MATN1: variants seen among roughly 807,000 people sequenced by gnomAD.
MATN1 encodes matrilin 1.
A neutral mutation model predicts 41.3 loss-of-function variants in MATN1; 34 were observed. The observed-to-expected ratio is 0.82, with a 90% confidence interval of 0.63 to 1.10. MATN1 has a LOEUF of 1.10. Among genes scored for constraint, MATN1 ranks in the 50% least tolerant of loss-of-function variants. The probability of loss-of-function intolerance (pLI) is 0.00; values close to 1 mark genes in which losing one functional copy is unlikely to be tolerated. For synonymous variants in MATN1, 264 were observed against 278.7 expected (o/e 0.95, Z 0.53); for missense variants, 602 against 662.4 (o/e 0.91, Z 1.00).
intron 3 of MATN1, 122 bp from the exon 4 acceptor site, chr1:30,717,037 A>C: frequency 1.4e-5 from 16 of 1,140,490 alleles, no homozygotes; most frequent in Non-Finnish European, 1.8e-5. Flanking sequence ...TAAGATCTCC[A>C]ACATACTGGG....
At position 30,713,490 on chromosome 1, in the gene MATN1, C is replaced by A. The variant is rs1639579502; in HGVS notation, c.*92G>T. 1 of 1,328,810 alleles carries A rather than the reference C, an allele frequency of 7.5e-7. No homozygotes were observed. Among genetic ancestry groups the A allele is most frequent in the Middle Eastern group, 1.8e-4 (1 of 5,470 alleles). The allele number at this position is 1,328,810 out of a possible 1,614,324, so 82.3% of individuals were successfully genotyped here. A position where few individuals can be genotyped will look rare whatever the true frequency, so the allele number is the denominator to read the frequency against. ...TAGGCACACCCAGACACACCCCCTC[C>A]CACCCCCGGGCTGGCTTCCCTCACT... On this transcript the variant is annotated 3_prime_UTR_variant, in exon 8 of 8. Coordinates refer to ENST00000373765, the MANE Select transcript of MATN1 (RefSeq NM_002379.3).
Position 30,714,334 on chromosome 1 carries a change from G to C in MATN1, c.1361-7C>G. ...CAGGCACACGGGTCTTCCTCTGCAG[G>C]GGACAAGGAGGAGGGAAAGAGAAAG... On this transcript the variant is annotated splice_region_variant and splice_polypyrimidine_tract_variant and intron_variant, in intron 6 of 7. Coordinates refer to ENST00000373765, the MANE Select transcript of MATN1 (RefSeq NM_002379.3). 6.2e-7 allele frequency: 1 copy of C among 1,605,672 alleles called. No homozygotes were observed. The highest frequency in any genetic ancestry group is 8.5e-7 in the Non-Finnish European group (1 of 1,175,440).
rs1180589963 is a variant in MATN1, at chr1:30,718,111, C to G, written c.664+624G>C. Among the ~76,000 whole-genome samples the G allele has an allele frequency of 3.9e-5, 6 of 152,344 alleles. No individual in the cohort carries two copies. The South Asian group carries it at 8.3e-4, about 21-fold the overall frequency. On this transcript the variant is annotated intron_variant, in intron 3 of 7. Transcript: ENST00000373765. ...CACCCCCAATCCACCTAAGCCGTGT[C>G]CCTAGCCCTGGCCCCGCCCTGATGT...
Position 30,713,281 on chromosome 1 carries a change from T to C in MATN1, c.*301A>G, listed in dbSNP as rs1156801543. The C allele has an allele frequency of 2.4e-6, 1 of 417,990 alleles. No homozygotes were observed. The highest frequency in any genetic ancestry group is 4.4e-6 in the Non-Finnish European group (1 of 229,298). The allele number at this position is 417,990 out of a possible 1,614,324, so 25.9% of individuals were successfully genotyped here. A position where few individuals can be genotyped will look rare whatever the true frequency, so the allele number is the denominator to read the frequency against. ...TGGGAATATATTAAGCTTTTGATTA[T>C]AAAAATGCAAACGCAGTCCCTCTCA... On this transcript the variant is annotated 3_prime_UTR_variant, in exon 8 of 8. Transcript: ENST00000373765.
intron 7 of MATN1, 156 bp downstream of exon 7, chr1:30,714,091 A>G: frequency 3.1e-6 from 2 of 646,718 alleles, no homozygotes; most frequent in Non-Finnish European, 5.5e-6. Flanking sequence ...GTGTGCACCC[A>G]AGCTGGCTTC....
chr1:30,718,589 G>GCACCCCCC, intron 3 of MATN1, 146 bp downstream of exon 3: 1 of 182,848 alleles, frequency 5.5e-6, no homozygotes. Context: ...CTCCGCCTCT[G>GCACCCCCC]CCCCCCCCCC....
chr1:30,713,827 T>C, intron 7 of MATN1, 196 bp from the exon 8 acceptor site: 1 of 622,320 alleles, frequency 1.6e-6, no homozygotes, highest in South Asian at 1.8e-5. Context: ...TGCCCAGCCC[T>C]GCTCAGTTGC....
At chr1:30,722,200 GAGGGCACCA>G (rs1305226327) in intron 1 of MATN1, among the ~76,000 whole-genome samples, 1 of 152,270 alleles carries the variant, frequency 6.6e-6, no homozygotes, top group Non-Finnish European at 1.5e-5. Context: ...AGCTGGGCAG[GAGGGCACCA>G]AGGATGGGCC....
Position 30,718,853 on chromosome 1 carries a change from G to T in MATN1, c.546C>A (p.Ser182Arg). The part of the protein sequence containing the change: ...GVELFAIGVG[S>R]VDKATLRQIA... Reference sequence around the variant, plus strand: ...TCTGCCGCAGCGTGGCCTTGTCCACGCTGCCCACTCCGATGGCGAACAGCT... The same window carrying T: ...TCTGCCGCAGCGTGGCCTTGTCCACTCTGCCCACTCCGATGGCGAACAGCT... Residue 182 changes from serine (S) to arginine (R), a missense_variant, in exon 3 of 8, where the codon AGC becomes AGA. By Grantham distance (110) the Ser-to-Arg change is moderately radical. Transcript: ENST00000373765. 1 of 1,607,538 alleles carries T rather than the reference G, an allele frequency of 6.2e-7. No homozygotes were observed. The highest frequency in any genetic ancestry group is 1.1e-5 in the South Asian group (1 of 90,378).
At chr1:30,723,415 G>A in intron 1 of MATN1, 43 bp downstream of exon 1, 4 of 1,408,418 alleles carry the variant, frequency 2.8e-6, no homozygotes, top group Non-Finnish European at 3.8e-6. Flanking sequence ...GAGGGTCAGG[G>A]CCCACTAGCT....
Position 30,716,075 on chromosome 1 carries a change from G to A in MATN1, c.1041C>T (p.Tyr347=). 2 of 1,614,226 alleles carry A rather than the reference G, an allele frequency of 1.2e-6. No homozygotes were observed. The highest frequency in any genetic ancestry group is 1.1e-5 in the South Asian group (1 of 91,088). Residue 347 remains tyrosine, a synonymous_variant, in exon 5 of 8, where the codon TAC becomes TAT. Coordinates refer to ENST00000373765, the MANE Select transcript of MATN1 (RefSeq NM_002379.3). ...DIKAAVRNMS[Y]MEKGTMTGAA... Reference sequence around the variant, plus strand: ...CCCCAGTCATTGTGCCCTTCTCCATGTAGGACATATTCCGCACAGCCGCCT... The same window carrying A: ...CCCCAGTCATTGTGCCCTTCTCCATATAGGACATATTCCGCACAGCCGCCT...
rs768797851 is a variant in MATN1 at position 30,714,344 on chromosome 1, G to A, written c.1361-17C>T. Reference sequence around the variant, plus strand: ...GGTCTTCCTCTGCAGGGGACAAGGAGGAGGGAAAGAGAAAGGAACTGTTGA... The same window carrying A: ...GGTCTTCCTCTGCAGGGGACAAGGAAGAGGGAAAGAGAAAGGAACTGTTGA... On this transcript the variant is annotated splice_polypyrimidine_tract_variant and intron_variant, in intron 6 of 7. Transcript: ENST00000373765. 4.4e-6 allele frequency: 7 copies of A among 1,600,488 alleles called. No individual in the cohort carries two copies. The East Asian group carries it at 1.1e-4, about 26-fold the overall frequency.
At chr1:30,717,420 CCA>C (rs1026335462) in intron 3 of MATN1, among the ~76,000 whole-genome samples, 9 of 151,978 alleles carry the variant, frequency 5.9e-5, no homozygotes, top group African/African-American at 1.5e-4. Flanking sequence ...TCCCAAAGAC[CCA>C]CACACACACC....
Position 30,721,763 on chromosome 1 carries a change from G to A in MATN1, c.95-12C>T, listed in dbSNP as rs369298526. 1.3e-5 allele frequency: 20 copies of A among 1,598,622 alleles called. No individual in the cohort carries two copies. In the African/African-American group the frequency reaches 2.5e-4, roughly 20 times the overall value. ...CCGGCAGAGATGGCCTGGGAGTGGGGCAGGAGGGGTAAGGCAGAGAGCAGA... is the reference window on the plus strand; with the variant it reads ...CCGGCAGAGATGGCCTGGGAGTGGGACAGGAGGGGTAAGGCAGAGAGCAGA... On this transcript the variant is annotated splice_polypyrimidine_tract_variant and intron_variant, in intron 1 of 7. Transcript: ENST00000373765.
chr1:30,715,285 A>G lies in MATN1; in HGVS notation c.1232T>C (p.Val411Ala). The G allele has an allele frequency of 6.2e-7, 1 of 1,614,230 alleles. No individual in the cohort carries two copies. The highest frequency in any genetic ancestry group is 8.5e-7 in the Non-Finnish European group (1 of 1,180,044). The change falls in exon 6 of 8, where the codon GTG (valine) becomes GCG (alanine). Residue 411 changes from valine (V) to alanine (A), a missense_variant. Physicochemically the swap from Val to Ala is moderately conservative, Grantham distance 64. Transcript: ENST00000373765. ...CAGCTCATCCTCCACGGCATTGCCC[A>G]CACCCACAGCAAACATCTTAAAGCC... ...DLGFKMFAVG[V>A]GNAVEDELRE...
chr1:30,713,698 C>T, intron 7 of MATN1, 67 bp from the exon 8 acceptor site: 1 of 1,298,646 alleles, frequency 7.7e-7, no homozygotes, highest in Non-Finnish European at 1.1e-6. Flanking sequence ...TGGCCCTGCA[C>T]TCAGGCCCCT....
chr1:30,715,040 A>G (rs1222251742), intron 6 of MATN1, 117 bp downstream of exon 6: 1 of 1,254,148 alleles, frequency 8.0e-7, no homozygotes, highest in East Asian at 2.3e-5. Context: ...GGTTCTGCCA[A>G]CTCTTGGTGC....
chr1:30,721,414 G>A lies in MATN1; in HGVS notation c.432C>T (p.Asp144=). 6.2e-7 allele frequency: 1 copy of A among 1,607,652 alleles called. No homozygotes were observed. The highest frequency in any genetic ancestry group is 8.5e-7 in the Non-Finnish European group (1 of 1,175,098). ...DAEGGRSRSP[D]ISKVVIVVTD... is the part of the protein sequence containing the mutation. ...GGTGGCGTGCACGTACCTTGCTGAT[G>A]TCAGGGGACCTGGAACGACCACCCT... Residue 144 remains aspartate, a synonymous_variant, in exon 2 of 8, where the codon GAC becomes GAT. Coordinates refer to ENST00000373765, the MANE Select transcript of MATN1 (RefSeq NM_002379.3).
In MATN1 at chr1:30,715,148, C is replaced by G. The variant is rs1387830806; in HGVS notation, c.1360+9G>C. 2 of 1,613,814 alleles carry G rather than the reference C, an allele frequency of 1.2e-6. No individual in the cohort carries two copies. The highest frequency in any genetic ancestry group is 2.7e-5 in the African/African-American group (2 of 74,930). On this transcript the variant is annotated intron_variant, in intron 6 of 7. Transcript: ENST00000373765. ...AAATCCCATCAATGCCAGCCCTGGC[C>G]TCACTCACCCACACAGATCTTCTTC...
Sources: allele counts gnomAD v4.1 joint callset (sites outside exome capture counted in the v4.1 genomes callset), GRCh38; gene constraint gnomAD v4.1.1; transcripts MANE v1.5; gene names NCBI Gene and HGNC (gene_info 2026-07-23, HGNC 2026-07-21).